Variants in ADTRP observed in about 807,000 individuals in gnomAD.
ADTRP encodes the protein androgen dependent TFPI regulating protein.
Under a neutral mutation model 27.0 loss-of-function variants are expected in ADTRP, and 20 were observed. The observed-to-expected ratio is 0.74, with a 90% confidence interval of 0.52 to 1.08. ADTRP has a LOEUF of 1.08. ADTRP is among the 50% of genes least tolerant of loss of function. The probability of loss-of-function intolerance (pLI) is 0.00; values close to 1 mark genes in which losing one functional copy is unlikely to be tolerated. For missense variants in ADTRP, 251 were observed against 275.0 expected, an observed-to-expected ratio of 0.91 and a Z score of 0.62; for synonymous variants, 101 against 105.2, an observed-to-expected ratio of 0.96 and a Z score of 0.25.
intron 3 of ADTRP, among the ~76,000 whole-genome samples, chr6:11,737,176 C>A (rs13192105): frequency 2.0e-5 from 3 of 151,990 alleles, no homozygotes; most frequent in Non-Finnish European, 2.9e-5. Context: ...AGTCCTTCTG[C>A]CACCCTCTGA....
rs537086201 is a variant in ADTRP at position 11,733,003 on chromosome 6, A to G, written c.506+2565T>C. Among the ~76,000 whole-genome samples the G allele has an allele frequency of 2.0e-5, 3 of 152,336 alleles. No homozygotes were observed. In the East Asian group the frequency reaches 5.8e-4, roughly 29 times the overall value. ...AGGAGACCTCAGTTTTAGTTGGCTC[A>G]AGTACCAGCTTTGCATCTCTACCCC... On this transcript the variant is annotated intron_variant, in intron 4 of 5. Transcript: ENST00000414691.
At chr6:11,717,827 A>G (rs1761881263) in intron 5 of ADTRP, among the ~76,000 whole-genome samples, 1 of 152,218 alleles carries the variant, frequency 6.6e-6, no homozygotes, top group South Asian at 2.1e-4. Flanking sequence ...GAGTTTAGGG[A>G]GATGAAGTTA....
intron 3 of ADTRP, among the ~76,000 whole-genome samples, chr6:11,762,124 A>G (rs2113318640): frequency 6.6e-6 from 1 of 152,336 alleles, no homozygotes; most frequent in East Asian, 1.9e-4. Flanking sequence ...AAACTAGAAG[A>G]TTTTAAGTTT....
chr6:11,733,629 C>A (rs1762454709), intron 4 of ADTRP, among the ~76,000 whole-genome samples: 1 of 152,220 alleles, frequency 6.6e-6, no homozygotes, highest in African/African-American at 2.4e-5. Context: ...TGTTATGCTC[C>A]TCTTTCCCGG....
At chr6:11,747,425 G>T (rs1039916469) in intron 3 of ADTRP, among the ~76,000 whole-genome samples, 2 of 152,198 alleles carry the variant, frequency 1.3e-5, no homozygotes. Context: ...GGGCACTTTA[G>T]CTTTCAAGCT....
chr6:11,771,012 T>G (rs561801318), intron 1 of ADTRP, among the ~76,000 whole-genome samples: 1 of 152,208 alleles, frequency 6.6e-6, no homozygotes, highest in African/African-American at 2.4e-5. Context: ...CCATGTGACC[T>G]GCTTTCCTCA....
At chr6:11,769,682 T>C (rs1763699415) in intron 1 of ADTRP, among the ~76,000 whole-genome samples, 1 of 151,754 alleles carries the variant, frequency 6.6e-6, no homozygotes, top group African/African-American at 2.4e-5. Flanking sequence ...TAATCTATAC[T>C]TATATAACAA....
intron 5 of ADTRP, among the ~76,000 whole-genome samples, chr6:11,718,007 AG>A (rs1380760829): frequency 6.6e-6 from 1 of 152,266 alleles, no homozygotes; most frequent in African/African-American, 2.4e-5. Flanking sequence ...GAATAAAACA[AG>A]GAGGTGGATT....
chr6:11,735,524 C>A (rs1762518490), intron 4 of ADTRP, 44 bp downstream of exon 4: 2 of 1,474,570 alleles, frequency 1.4e-6, no homozygotes, highest in South Asian at 1.2e-5. Context: ...CCCTCAGGGT[C>A]TTGAACGACA....
At chr6:11,736,373 TCA>T (rs1369528175) in intron 3 of ADTRP, 2 of 152,894 alleles carry the variant, frequency 1.3e-5, no homozygotes, top group South Asian at 2.1e-4. Flanking sequence ...TCACAGATAT[TCA>T]CACATTTGTG....
chr6:11,724,728 C>A (rs188940318), intron 4 of ADTRP, among the ~76,000 whole-genome samples: 1 of 152,332 alleles, frequency 6.6e-6, no homozygotes, highest in Admixed American at 6.5e-5. Flanking sequence ...TTTCATCAAC[C>A]TTTCTGTCCC....
At chr6:11,745,799 T>C (rs1370099363) in intron 3 of ADTRP, among the ~76,000 whole-genome samples, 3 of 147,618 alleles carry the variant, frequency 2.0e-5, no homozygotes, top group Admixed American at 6.7e-5. Flanking sequence ...TTTTCTTTTT[T>C]GTTTTTTTTG....
intron 3 of ADTRP, among the ~76,000 whole-genome samples, chr6:11,740,206 T>G (rs74796279): frequency 2.0e-5 from 3 of 152,324 alleles, no homozygotes; most frequent in East Asian, 1.9e-4. Context: ...TGCGAATTAG[T>G]TCCTGATATT....
At chr6:11,739,817 C>T (rs1006960011) in intron 3 of ADTRP, among the ~76,000 whole-genome samples, 19 of 152,092 alleles carry the variant, frequency 1.2e-4, no homozygotes, top group African/African-American at 4.6e-4. Context: ...CACATGGATC[C>T]GACAGGTCTT....
intron 1 of ADTRP, among the ~76,000 whole-genome samples, chr6:11,769,870 C>T (rs9380513): frequency 6.6e-6 from 1 of 151,924 alleles, no homozygotes; most frequent in African/African-American, 2.4e-5. Context: ...CAAGTTTAGC[C>T]CTCAAAAATC....
intron 4 of ADTRP, among the ~76,000 whole-genome samples, chr6:11,724,159 G>A (rs1293368331): frequency 6.6e-6 from 1 of 152,174 alleles, no homozygotes; most frequent in Non-Finnish European, 1.5e-5. Context: ...TTCCCTGAGA[G>A]GTATGGCCTG....
intron 3 of ADTRP, among the ~76,000 whole-genome samples, chr6:11,760,805 C>T (rs1216010250): frequency 6.6e-6 from 1 of 152,160 alleles, no homozygotes; most frequent in Non-Finnish European, 1.5e-5. Flanking sequence ...CCTCCCAAGC[C>T]TCTGTATCCA....
chr6:11,754,867 A>T (rs9380504), intron 3 of ADTRP, among the ~76,000 whole-genome samples: 48,633 of 152,040 alleles, frequency 0.32, 9,344 homozygotes, highest in East Asian at 0.66. Flanking sequence ...GAGTGTCAGT[A>T]CTAACCTGGC....
intron 4 of ADTRP, among the ~76,000 whole-genome samples, chr6:11,728,055 A>G (rs1762273600): frequency 6.6e-6 from 1 of 152,154 alleles, no homozygotes; most frequent in African/African-American, 2.4e-5. Context: ...TCAGCCCTCC[A>G]TTCAATCTTG....
Sources: gnomAD v4.1 joint callset for allele counts (sites outside exome capture counted in the v4.1 genomes callset) on GRCh38, gnomAD v4.1.1 for gene constraint, MANE v1.5 for transcripts, NCBI Gene and HGNC (gene_info 2026-07-23, HGNC 2026-07-21) for gene names.